The following TENT4B variants were observed in gnomAD, a reference collection of about 807,000 sequenced individuals.
TENT4B encodes the protein terminal nucleotidyltransferase 4B.
A neutral mutation model predicts 75.0 loss-of-function variants in TENT4B; 10 were observed. That is an observed-to-expected ratio of 0.13 (90% CI 0.08 to 0.23). The LOEUF is 0.23. Among genes scored for constraint, TENT4B ranks in the 10% least tolerant of loss-of-function variants. The pLI, the probability that TENT4B is intolerant of heterozygous loss-of-function variation, is 1.00. For synonymous variants in TENT4B, 350 were observed against 357.7 expected, an observed-to-expected ratio of 0.98 and a Z score of 0.24; for missense variants, 579 against 893.8, an observed-to-expected ratio of 0.65 and a Z score of 4.49.
chr16:50,225,069 C>T (rs1235387735), intron 9 of TENT4B, 29 bp from the exon 10 acceptor site: 6 of 1,607,710 alleles, frequency 3.7e-6, no homozygotes, highest in Admixed American at 3.4e-5. Context: ...TGGGAAGAAA[C>T]GTTTTCCAAT....
At chr16:50,215,639 CAT>C (rs1411424833) in intron 3 of TENT4B, among the ~76,000 whole-genome samples, 20 of 152,172 alleles carry the variant, frequency 1.3e-4, no homozygotes, top group African/African-American at 4.6e-4. Context: ...TATAAAAGGA[CAT>C]GTGTGTATAT....
At chr16:50,217,780 A>G (rs111533994) in intron 5 of TENT4B, 117 bp downstream of exon 5, 1 of 35,542 alleles carries the variant, frequency 2.8e-5, no homozygotes, top group Non-Finnish European at 5.5e-5. Flanking sequence ...CTCTCTTTTA[A>G]ATAGAGCTAG....
chr16:50,234,029 C>T lies in TENT4B; in HGVS notation c.*4701C>T. 1 of 985,446 alleles carries T rather than the reference C, an allele frequency of 1.0e-6. No homozygotes were observed. The highest frequency in any genetic ancestry group is 1.2e-6 in the Non-Finnish European group (1 of 829,938). 61.0% of individuals were successfully genotyped at this position (985,446 alleles called of 1,614,324 possible). A position where few individuals can be genotyped will look rare whatever the true frequency, so the allele number is the denominator to read the frequency against. ...ACTGAGCTACCTTTCACTACACCAG[C>T]TTCTGTGTGGCCTGGTAACATGGAA... On this transcript the variant is annotated 3_prime_UTR_variant, in exon 12 of 12. Transcript: ENST00000561678.
chr16:50,159,158 G>A (rs1434827327), intron 1 of TENT4B, among the ~76,000 whole-genome samples: 1 of 151,708 alleles, frequency 6.6e-6, no homozygotes, highest in Non-Finnish European at 1.5e-5. Context: ...AGATGTTCAT[G>A]CCTTTTTTCA....
At chr16:50,188,447 C>A (rs1481731459) in intron 1 of TENT4B, among the ~76,000 whole-genome samples, 1 of 152,218 alleles carries the variant, frequency 6.6e-6, no homozygotes, top group Non-Finnish European at 1.5e-5. Flanking sequence ...ATGGTAAACA[C>A]AACAGCACAC....
chr16:50,231,888 TTTTTGAG>T lies in TENT4B; in HGVS notation c.*2565_*2571del. ...TCTATTTGACTCCTATCTTATTTCTTTTTTGAGTTTTAATACTTCCTATATTTTGTGA... is the reference window on the plus strand; with the variant it reads ...TCTATTTGACTCCTATCTTATTTCTTTTTTAATACTTCCTATATTTTGTGA... On this transcript the variant is annotated 3_prime_UTR_variant, in exon 12 of 12. Coordinates refer to ENST00000561678, the MANE Select transcript of TENT4B (RefSeq NM_001365324.3). 1 of 981,440 alleles carries T rather than the reference TTTTTGAG, an allele frequency of 1.0e-6. No homozygotes were observed. Among genetic ancestry groups the T allele is most frequent in the Non-Finnish European group, 1.2e-6 (1 of 826,208 alleles). The allele number at this position is 981,440 out of a possible 1,614,324, so 60.8% of individuals were successfully genotyped here. A position where few individuals can be genotyped will look rare whatever the true frequency, so the allele number is the denominator to read the frequency against.
At chr16:50,211,584 G>T in intron 2 of TENT4B, 138 bp downstream of exon 2, 1 of 1,019,600 alleles carries the variant, frequency 9.8e-7, no homozygotes, top group South Asian at 4.1e-5. Flanking sequence ...AAATTTTAAA[G>T]GCAAACAATT....
At chr16:50,182,258 T>TA (rs991222465) in intron 1 of TENT4B, among the ~76,000 whole-genome samples, 1 of 152,028 alleles carries the variant, frequency 6.6e-6, no homozygotes, top group African/African-American at 2.4e-5. Flanking sequence ...AACCCTGCCA[T>TA]AAAAAAAGGA....
chr16:50,188,486 G>C (rs1443906246), intron 1 of TENT4B, among the ~76,000 whole-genome samples: 1 of 152,192 alleles, frequency 6.6e-6, no homozygotes, highest in East Asian at 1.9e-4. Context: ...GGGCAGCTCT[G>C]TGTTTCTAGG....
At chr16:50,170,747 A>G (rs938675942) in intron 1 of TENT4B, among the ~76,000 whole-genome samples, 6 of 151,270 alleles carry the variant, frequency 4.0e-5, no homozygotes, top group Admixed American at 6.6e-5. Flanking sequence ...GTTCACCACA[A>G]CCTCCACCTC....
chr16:50,156,301 GTGTC>G (rs1239205952), intron 1 of TENT4B, among the ~76,000 whole-genome samples: 22 of 151,442 alleles, frequency 1.5e-4, no homozygotes, highest in Non-Finnish European at 1.3e-4. Flanking sequence ...AGTGTTAAGA[GTGTC>G]TGGGTGCTTA....
intron 10 of TENT4B, among the ~76,000 whole-genome samples, chr16:50,225,756 C>A (rs538306738): frequency 6.6e-6 from 1 of 151,434 alleles, no homozygotes; most frequent in South Asian, 2.1e-4. Context: ...GATCTCGGCT[C>A]ACTGCAACCT....
In TENT4B at chr16:50,225,153, T is replaced by C. The variant is rs748271846; in HGVS notation, c.1668T>C (p.Asn556=). 7 of 1,613,218 alleles carry C rather than the reference T, an allele frequency of 4.3e-6. No homozygotes were observed. The highest frequency in any genetic ancestry group is 5.9e-6 in the Non-Finnish European group (7 of 1,179,434). Residue 556 remains asparagine (N), a synonymous_variant, in exon 10 of 12, where the codon AAT becomes AAC. Coordinates refer to ENST00000561678, the MANE Select transcript of TENT4B (RefSeq NM_001365324.3). The part of the protein sequence containing the change: ...DTQQLDKCNN[N]LSEENEALGK... The stretch of plus-strand genomic sequence containing the variant: ...AGCAGTTAGATAAATGTAATAATAA[T>C]CTATCTGAAGAAAATGAAGCCCTTG...
rs938409535 is a variant in TENT4B, at chr16:50,234,025, C to T, written c.*4697C>T. 4.0e-5 allele frequency: 39 copies of T among 985,308 alleles called. No homozygotes were observed. Among genetic ancestry groups the T allele is most frequent in the Middle Eastern group, 5.2e-4 (1 of 1,936 alleles). 61.0% of individuals were successfully genotyped at this position (985,308 alleles called of 1,614,324 possible). On this transcript the variant is annotated 3_prime_UTR_variant, in exon 12 of 12. Transcript: ENST00000561678. Reference sequence around the variant, plus strand: ...CACCACTGAGCTACCTTTCACTACACCAGCTTCTGTGTGGCCTGGTAACAT... The same window carrying T: ...CACCACTGAGCTACCTTTCACTACATCAGCTTCTGTGTGGCCTGGTAACAT...
chr16:50,180,908 C>T (rs2038402750), intron 1 of TENT4B, among the ~76,000 whole-genome samples: 1 of 152,114 alleles, frequency 6.6e-6, no homozygotes, highest in Non-Finnish European at 1.5e-5. Flanking sequence ...AACTTCCAAA[C>T]TATTAAAATA....
chr16:50,163,417 CTTTT>C (rs559720798), intron 1 of TENT4B, among the ~76,000 whole-genome samples: 2 of 132,976 alleles, frequency 1.5e-5, no homozygotes, highest in Non-Finnish European at 1.6e-5. Context: ...GATATAATTT[CTTTT>C]TTTTTTTTTT....
chr16:50,187,889 A>AT (rs895248691), intron 1 of TENT4B, among the ~76,000 whole-genome samples: 7 of 152,024 alleles, frequency 4.6e-5, no homozygotes, highest in Admixed American at 1.3e-4. Context: ...AGAAAAAAAA[A>AT]CCTCTGATGC....
chr16:50,167,871 G>GAAC (rs1248326874), intron 1 of TENT4B, among the ~76,000 whole-genome samples: 1 of 152,056 alleles, frequency 6.6e-6, no homozygotes, highest in African/African-American at 2.4e-5. Context: ...TTGTCAGGTT[G>GAAC]GTCTTGAACT....
Position 50,214,207 on chromosome 16 carries a change from T to G in TENT4B, c.763-14T>G, listed in dbSNP as rs769515208. ...GATAACTCAATATAATAACAACTTCTTTTTCTGTTTCAGGTCCAGATATTT... is the reference window on the plus strand; with the variant it reads ...GATAACTCAATATAATAACAACTTCGTTTTCTGTTTCAGGTCCAGATATTT... On this transcript the variant is annotated splice_polypyrimidine_tract_variant and intron_variant, in intron 2 of 11. Transcript: ENST00000561678. 5.8e-6 allele frequency: 9 copies of G among 1,557,592 alleles called. No homozygotes were observed. The highest frequency in any genetic ancestry group is 7.0e-6 in the Non-Finnish European group (8 of 1,135,482).
Sources: gnomAD v4.1 joint callset for allele counts (sites outside exome capture counted in the v4.1 genomes callset) on GRCh38, gnomAD v4.1.1 for gene constraint, MANE v1.5 for transcripts, NCBI Gene and HGNC (gene_info 2026-07-23, HGNC 2026-07-21) for gene names.